The following ARHGEF9 variants were observed in gnomAD, a reference collection of about 807,000 sequenced individuals.
ARHGEF9 encodes rho guanine nucleotide exchange factor 9.
Under a neutral mutation model 41.3 loss-of-function variants are expected in ARHGEF9, and 2 were observed. That is an observed-to-expected ratio of 0.05 (90% CI 0.02 to 0.15). The LOEUF (loss-of-function observed/expected upper bound fraction) is 0.15, where lower values mean the gene tolerates loss of function less well. Among genes scored for constraint, ARHGEF9 ranks in the 10% least tolerant of loss-of-function variants. ARHGEF9 has a pLI of 1.00. For synonymous variants in ARHGEF9, 160 were observed against 154.4 expected (o/e 1.04, Z -0.27); for missense variants, 225 against 424.7 (o/e 0.53, Z 4.13).
intron 5 of ARHGEF9, among the ~76,000 whole-genome samples, chrX:63,675,799 T>C (rs1327108128): frequency 5.4e-5 from 6 of 111,395 alleles, no homozygotes; most frequent in African/African-American, 2.0e-4. Flanking sequence ...TTTTCTGATT[T>C]GCAATCAAAT....
At chrX:63,755,401 G>C in intron 1 of ARHGEF9, 1 of 322,957 alleles carries the variant, frequency 3.1e-6, no homozygotes, top group Non-Finnish European at 5.0e-6. Context: ...GATAGAGGGG[G>C]TATATAAGGA....
chrX:63,754,355 C>T (rs1556444595), intron 1 of ARHGEF9: 6 of 1,209,942 alleles, frequency 5.0e-6, no homozygotes, highest in African/African-American at 3.5e-5. Context: ...AACGTTTTCC[C>T]CCCTGAGTAA....
chrX:63,652,428 T>G (rs1339512872), intron 8 of ARHGEF9, among the ~76,000 whole-genome samples: 2 of 111,436 alleles, frequency 1.8e-5, no homozygotes, highest in African/African-American at 3.3e-5. Flanking sequence ...GTGTTAGGTA[T>G]TATAAATAAT....
At chrX:63,656,516 T>C (rs182384795) in intron 7 of ARHGEF9, 1 of 111,607 alleles carries the variant, frequency 9.0e-6, no homozygotes, top group African/African-American at 3.3e-5. Context: ...TTACTTATTT[T>C]AATAATATAA....
chrX:63,699,119 A>G (rs2051974943), intron 3 of ARHGEF9, among the ~76,000 whole-genome samples: 1 of 111,585 alleles, frequency 9.0e-6, no homozygotes, highest in Non-Finnish European at 1.9e-5. Flanking sequence ...CCATCTCTGG[A>G]CGTGTCTTAG....
At chrX:63,742,749 G>A (rs182839304) in intron 1 of ARHGEF9, among the ~76,000 whole-genome samples, 53 of 111,472 alleles carry the variant, frequency 4.8e-4, no homozygotes, top group Non-Finnish European at 8.9e-4. Context: ...GGTCACCAAA[G>A]ACTACAGAAT....
intron 1 of ARHGEF9, chrX:63,767,149 T>C: frequency 1.2e-6 from 1 of 863,916 alleles, no homozygotes; most frequent in South Asian, 2.0e-5. Context: ...ACAAAGCAGC[T>C]GACAGAAATG....
chrX:63,748,171 G>C (rs2055388353), intron 1 of ARHGEF9, among the ~76,000 whole-genome samples: 1 of 112,173 alleles, frequency 8.9e-6, no homozygotes, highest in Non-Finnish European at 1.9e-5. Flanking sequence ...TGGTTGACCA[G>C]ATACATACAA....
At chrX:63,707,326 C>G (rs2052608723) in intron 2 of ARHGEF9, 1 of 97,809 alleles carries the variant, frequency 1.0e-5, no homozygotes, top group South Asian at 5.0e-4. Flanking sequence ...ACAGTTGAGA[C>G]TGTCCATCCT....
chrX:63,647,135 G>A (rs1556316666), intron 8 of ARHGEF9, among the ~76,000 whole-genome samples: 1 of 111,652 alleles, frequency 9.0e-6, no homozygotes, highest in Non-Finnish European at 1.9e-5. Flanking sequence ...TTTGGCCTGA[G>A]ACGATGGGGT....
chrX:63,735,585 C>T (rs2054566518), intron 1 of ARHGEF9, among the ~76,000 whole-genome samples: 1 of 111,788 alleles, frequency 8.9e-6, no homozygotes, highest in African/African-American at 3.3e-5. Context: ...AGGGTCCTAA[C>T]GTCGTTAAAT....
At chrX:63,704,857 G>T (rs115551803) in intron 3 of ARHGEF9, among the ~76,000 whole-genome samples, 103 of 111,906 alleles carry the variant, frequency 9.2e-4, no homozygotes, top group African/African-American at 3.3e-3. Flanking sequence ...CTGCCTCATG[G>T]CAGGGCAGGG....
rs782550144 is a variant in ARHGEF9 at position 63,644,090 on chromosome X, C to T, written c.1322-42G>A. 3.8e-6 allele frequency: 4 copies of T among 1,044,297 alleles called. No homozygotes were observed. The South Asian group carries it at 5.8e-5, about 15-fold the overall frequency. 86.1% of individuals were successfully genotyped at this position (1,044,297 alleles called of 1,213,427 possible). A position where few individuals can be genotyped will look rare whatever the true frequency, so the allele number is the denominator to read the frequency against. On this transcript the variant is annotated intron_variant, in intron 8 of 9. Coordinates refer to ENST00000671741, the MANE Select transcript of ARHGEF9 (RefSeq NM_001353921.2). Reference sequence around the variant, plus strand: ...TATGATTTTTTAAATGAGAAACACACACCCTTACTGAGTGTATAAATGAGT... The same window carrying T: ...TATGATTTTTTAAATGAGAAACACATACCCTTACTGAGTGTATAAATGAGT...
intron 1 of ARHGEF9, among the ~76,000 whole-genome samples, chrX:63,765,194 G>A (rs1192682855): frequency 1.8e-5 from 2 of 110,507 alleles, no homozygotes. Context: ...TGGACAAAAT[G>A]AGCTGCACAT....
chrX:63,754,696 G>A (rs1235688601), intron 1 of ARHGEF9: 1 of 951,243 alleles, frequency 1.1e-6, no homozygotes, highest in Non-Finnish European at 1.3e-6. Context: ...AGAGGAGGAA[G>A]TAGGGTGGTT....
chrX:63,664,607 G>A (rs781879977), intron 7 of ARHGEF9, among the ~76,000 whole-genome samples: 2 of 112,186 alleles, frequency 1.8e-5, no homozygotes, highest in African/African-American at 3.2e-5. Context: ...GTCCTGAGAA[G>A]AGTTGGGGGA....
chrX:63,775,140 A>G (rs1422434171), intron 1 of ARHGEF9, among the ~76,000 whole-genome samples: 1 of 112,654 alleles, frequency 8.9e-6, no homozygotes, highest in Non-Finnish European at 1.9e-5. Flanking sequence ...ATCTCACACC[A>G]GTCAGAATGC....
At chrX:63,776,170 G>A (rs1358516316) in intron 1 of ARHGEF9, among the ~76,000 whole-genome samples, 3 of 105,500 alleles carry the variant, frequency 2.8e-5, no homozygotes, top group African/African-American at 1.0e-4. Flanking sequence ...AAAGGCCCCA[G>A]GTGCTCTAGA....
At chrX:63,765,720 T>C (rs377672446) in intron 1 of ARHGEF9, among the ~76,000 whole-genome samples, 23 of 112,022 alleles carry the variant, frequency 2.1e-4, no homozygotes, top group African/African-American at 7.5e-4. Flanking sequence ...TTTTAGAATC[T>C]GTACAGTTCT....
Sources: allele counts gnomAD v4.1 joint callset (sites outside exome capture counted in the v4.1 genomes callset), GRCh38; gene constraint gnomAD v4.1.1; transcripts MANE v1.5; gene names NCBI Gene and HGNC (gene_info 2026-07-23, HGNC 2026-07-21).